Variants in SLC35F1 observed in about 807,000 individuals in gnomAD.
SLC35F1 encodes solute carrier family 35 member F1.
A neutral mutation model predicts 48.7 loss-of-function variants in SLC35F1; 14 were observed. The ratio of observed to expected loss-of-function variants is 0.29; its 90% CI spans 0.19 to 0.45. SLC35F1 has a LOEUF of 0.45. SLC35F1 is among the 20% of genes least tolerant of loss of function. SLC35F1 has a pLI of 1.00. For synonymous variants in SLC35F1, 190 were observed against 202.2 expected (o/e 0.94, Z 0.51); for missense variants, 404 against 500.0 (o/e 0.81, Z 1.83).
rs1195925469 is a variant in SLC35F1 at position 118,316,088 on chromosome 6, C to G, written c.*1836C>G. ...GGTCTCTGGAAAGTAAAAGGACAGA[C>G]TACAGTAGAAGGACTGATCCCAGAG... is the stretch of plus-strand genomic sequence containing the variant. On this transcript the variant is annotated 3_prime_UTR_variant, in exon 8 of 8. Coordinates refer to ENST00000360388, the MANE Select transcript of SLC35F1 (RefSeq NM_001029858.4). The G allele has an allele frequency of 6.6e-6, 1 of 152,184 alleles. No homozygotes were observed. The highest frequency in any genetic ancestry group is 1.5e-5 in the Non-Finnish European group (1 of 68,040). The allele number at this position is 152,184 out of a possible 1,614,324, so 9.4% of individuals were successfully genotyped here.
intron 7 of SLC35F1, among the ~76,000 whole-genome samples, chr6:118,296,154 G>C (rs1243812403): frequency 1.3e-5 from 2 of 152,236 alleles, no homozygotes; most frequent in African/African-American, 4.8e-5. Flanking sequence ...TATTGGAGCA[G>C]AGCCATGCCC....
chr6:118,095,509 A>C (rs1369811199), intron 1 of SLC35F1, among the ~76,000 whole-genome samples: 2 of 152,136 alleles, frequency 1.3e-5, no homozygotes, highest in East Asian at 3.9e-4. Flanking sequence ...ACTTGCCTTC[A>C]GTCCTCTTTC....
intron 2 of SLC35F1, among the ~76,000 whole-genome samples, chr6:118,186,624 C>CATAG (rs985387168): frequency 6.6e-6 from 1 of 152,134 alleles, no homozygotes; most frequent in Non-Finnish European, 1.5e-5. Context: ...ATAACAAATA[C>CATAG]ATAGTGGTTC....
At chr6:117,971,640 C>G (rs1776640141) in intron 1 of SLC35F1, among the ~76,000 whole-genome samples, 1 of 151,942 alleles carries the variant, frequency 6.6e-6, no homozygotes. Flanking sequence ...GTGAAGGTTC[C>G]CAAACCTCAG....
intron 1 of SLC35F1, among the ~76,000 whole-genome samples, chr6:118,152,603 C>G (rs977793): frequency 0.3 from 46,081 of 152,058 alleles, 8,649 homozygotes; most frequent in Non-Finnish European, 0.43. Flanking sequence ...CACATGGTCT[C>G]TCAAACCTGA....
intron 1 of SLC35F1, among the ~76,000 whole-genome samples, chr6:117,989,437 A>T (rs1776889530): frequency 6.6e-6 from 1 of 152,182 alleles, no homozygotes; most frequent in Admixed American, 6.6e-5. Context: ...GTCTGGGAGA[A>T]AAGACCTCCT....
chr6:118,209,862 C>T (rs205919), intron 2 of SLC35F1, among the ~76,000 whole-genome samples: 10,139 of 152,124 alleles, frequency 0.067, 397 homozygotes, highest in South Asian at 0.12. Context: ...ATCTTAAATA[C>T]GACTTTCCAA....
At chr6:118,222,037 G>C (rs2114564528) in intron 2 of SLC35F1, among the ~76,000 whole-genome samples, 1 of 152,116 alleles carries the variant, frequency 6.6e-6, no homozygotes, top group South Asian at 2.1e-4. Context: ...TTTTTCTTAA[G>C]TTCTTTTAAC....
rs984028129 is a variant in SLC35F1 at position 118,100,719 on chromosome 6, G to C, written c.174-53726G>C. Among the ~76,000 whole-genome samples, 3 of 152,126 alleles carry C rather than the reference G, an allele frequency of 2.0e-5. No homozygotes were observed. In the East Asian group the frequency reaches 5.8e-4, roughly 29 times the overall value. ...CTCAGTGTCCAGAGTTTTTATTAAT[G>C]TTGCTTAATGTAGGCGTGCTGGATT... is the stretch of plus-strand genomic sequence containing the variant. On this transcript the variant is annotated intron_variant, in intron 1 of 7. Transcript: ENST00000360388.
At chr6:118,032,670 T>C (rs548179077) in intron 1 of SLC35F1, among the ~76,000 whole-genome samples, 3 of 152,344 alleles carry the variant, frequency 2.0e-5, no homozygotes, top group Middle Eastern at 3.4e-3. Flanking sequence ...TTCTTAGAAA[T>C]GTTATAGTTG....
chr6:118,236,294 G>A (rs1218041951), intron 3 of SLC35F1, among the ~76,000 whole-genome samples: 3 of 151,950 alleles, frequency 2.0e-5, no homozygotes, highest in Admixed American at 6.6e-5. Context: ...CACAATTTTT[G>A]ACAGACATAT....
intron 2 of SLC35F1, among the ~76,000 whole-genome samples, chr6:118,196,651 G>T (rs917641401): frequency 5.9e-5 from 9 of 152,028 alleles, no homozygotes; most frequent in African/African-American, 2.2e-4. Context: ...GGGAGGTAGA[G>T]GTTGCAGTGA....
At chr6:118,271,921 C>A (rs1775856511) in intron 4 of SLC35F1, among the ~76,000 whole-genome samples, 1 of 152,138 alleles carries the variant, frequency 6.6e-6, no homozygotes, top group Non-Finnish European at 1.5e-5. Flanking sequence ...TTTATTCTCA[C>A]AGTAACCTAA....
At chr6:118,272,421 T>C (rs1041643171) in intron 4 of SLC35F1, among the ~76,000 whole-genome samples, 4 of 152,270 alleles carry the variant, frequency 2.6e-5, no homozygotes, top group Admixed American at 6.5e-5. Context: ...GTTTTATACA[T>C]ACATAAATGA....
chr6:118,087,673 T>C (rs1450386224), intron 1 of SLC35F1, among the ~76,000 whole-genome samples: 1 of 152,192 alleles, frequency 6.6e-6, no homozygotes, highest in African/African-American at 2.4e-5. Flanking sequence ...ATGCCTTCCA[T>C]GTCTTTGCCC....
At chr6:118,112,433 T>A (rs1420342593) in intron 1 of SLC35F1, among the ~76,000 whole-genome samples, 1 of 152,182 alleles carries the variant, frequency 6.6e-6, no homozygotes, top group East Asian at 1.9e-4. Context: ...AGGGTGGATA[T>A]ATTCCTCCTC....
chr6:118,013,632 A>G (rs73768143), intron 1 of SLC35F1, among the ~76,000 whole-genome samples: 2,968 of 152,334 alleles, frequency 0.019, 97 homozygotes, highest in African/African-American at 0.067. Context: ...TATTCTTAGC[A>G]TAGCCGATTG....
At chr6:118,168,371 G>GT (rs1245362202) in intron 2 of SLC35F1, among the ~76,000 whole-genome samples, 1 of 151,916 alleles carries the variant, frequency 6.6e-6, no homozygotes, top group African/African-American at 2.4e-5. Flanking sequence ...TATATATTAT[G>GT]TTTTTTCCTA....
At chr6:118,011,131 G>A (rs1480687145) in intron 1 of SLC35F1, among the ~76,000 whole-genome samples, 5 of 152,226 alleles carry the variant, frequency 3.3e-5, no homozygotes, top group East Asian at 3.9e-4. Flanking sequence ...CGGATGGTGG[G>A]GGAATGGTCT....
Sources: allele counts gnomAD v4.1 joint callset (sites outside exome capture counted in the v4.1 genomes callset), GRCh38; gene constraint gnomAD v4.1.1; transcripts MANE v1.5; gene names NCBI Gene and HGNC (gene_info 2026-07-23, HGNC 2026-07-21).